ROBO1: variants seen among roughly 807,000 people sequenced by gnomAD.
ROBO1 encodes roundabout guidance receptor 1.
In ROBO1, 149 loss-of-function variants were observed where a neutral mutation model predicts 195.9. The ratio of observed to expected loss-of-function variants is 0.76; its 90% CI spans 0.67 to 0.87. The LOEUF (loss-of-function observed/expected upper bound fraction) is 0.87, where lower values mean the gene tolerates loss of function less well. ROBO1 is among the 40% of genes least tolerant of loss of function. ROBO1 has a pLI of 0.00. For missense variants in ROBO1, 1,933 were observed against 2,068.3 expected (o/e 0.93, Z 1.27); for synonymous variants, 816 against 733.2 (o/e 1.11, Z -1.82).
chr3:79,473,297 G>A (rs1171400578), intron 2 of ROBO1, among the ~76,000 whole-genome samples: 12 of 152,058 alleles, frequency 7.9e-5, no homozygotes, highest in Admixed American at 7.2e-4. Context: ...CAAAGAATGC[G>A]AAGGGTTGCC....
At chr3:78,909,850 G>C (rs1452197105) in intron 4 of ROBO1, among the ~76,000 whole-genome samples, 1 of 151,590 alleles carries the variant, frequency 6.6e-6, no homozygotes, top group Non-Finnish European at 1.5e-5. Flanking sequence ...CAACTGAAAT[G>C]ATATAAAAGA....
intron 2 of ROBO1, among the ~76,000 whole-genome samples, chr3:79,579,862 C>G (rs185608471): frequency 1.4e-3 from 216 of 152,132 alleles, no homozygotes; most frequent in Non-Finnish European, 8.7e-4. Context: ...ACCTATGGCT[C>G]CAGTGAGCAA....
intron 8 of ROBO1, among the ~76,000 whole-genome samples, chr3:78,694,013 T>G (rs951114710): frequency 6.6e-6 from 1 of 152,158 alleles, no homozygotes; most frequent in African/African-American, 2.4e-5. Context: ...TATAAAAAGG[T>G]GTTGCATTTA....
At chr3:78,955,600 G>T (rs568530721) in intron 3 of ROBO1, among the ~76,000 whole-genome samples, 1 of 151,764 alleles carries the variant, frequency 6.6e-6, no homozygotes, top group Non-Finnish European at 1.5e-5. Flanking sequence ...AATATAATTC[G>T]CCAAAAGTCA....
intron 2 of ROBO1, among the ~76,000 whole-genome samples, chr3:79,288,742 C>A (rs2032049365): frequency 6.6e-6 from 1 of 152,130 alleles, no homozygotes; most frequent in Non-Finnish European, 1.5e-5. Context: ...ATTGTTAACA[C>A]TGAGTATTTT....
intron 14 of ROBO1, among the ~76,000 whole-genome samples, chr3:78,665,822 A>T (rs890197976): frequency 2.8e-4 from 41 of 146,376 alleles, no homozygotes; most frequent in Admixed American, 8.2e-4. Context: ...GCTGAAATTT[A>T]AAAAAAAAAA....
At chr3:79,302,068 T>C (rs529759880) in intron 2 of ROBO1, among the ~76,000 whole-genome samples, 49 of 152,214 alleles carry the variant, frequency 3.2e-4, no homozygotes, top group African/African-American at 9.1e-4. Context: ...ATACACCACA[T>C]AGGGTGTATT....
At chr3:78,980,221 A>T (rs1260927786) in intron 3 of ROBO1, among the ~76,000 whole-genome samples, 1 of 152,142 alleles carries the variant, frequency 6.6e-6, no homozygotes, top group African/African-American at 2.4e-5. Flanking sequence ...TAAGAAACTG[A>T]CCTACCTTTC....
At chr3:79,005,567 T>C (rs927791048) in intron 3 of ROBO1, among the ~76,000 whole-genome samples, 1 of 152,178 alleles carries the variant, frequency 6.6e-6, no homozygotes. Flanking sequence ...TCATATAGTT[T>C]TGTAGTATAT....
chr3:79,421,354 A>G (rs1490687443), intron 2 of ROBO1, among the ~76,000 whole-genome samples: 2 of 151,988 alleles, frequency 1.3e-5, no homozygotes, highest in African/African-American at 4.8e-5. Context: ...AAACCTGCAC[A>G]TGTACCCTCA....
At chr3:79,063,820 AT>A (rs1273086311) in intron 3 of ROBO1, among the ~76,000 whole-genome samples, 1 of 151,924 alleles carries the variant, frequency 6.6e-6, no homozygotes, top group Non-Finnish European at 1.5e-5. Context: ...TGAAAAAAAA[AT>A]GAAAACTTTT....
At position 78,938,754 on chromosome 3, in the gene ROBO1, G is replaced by T. The variant is rs777025714; in HGVS notation, c.346C>A (p.Arg116Ser). The T allele has an allele frequency of 6.2e-7, 1 of 1,613,922 alleles. No individual in the cohort carries two copies. ...CTCGGCAGCAACATTCGGTGTGAGCGAGGGTCATCTTTGTCTGTCTCCACT... is the reference window on the plus strand; with the variant it reads ...CTCGGCAGCAACATTCGGTGTGAGCTAGGGTCATCTTTGTCTGTCTCCACT... ...ERVETDKDDP[R>S]SHRMLLPSGS... Residue 116 changes from arginine to serine, a missense_variant, in exon 4 of 31, where the codon CGC (arginine) becomes AGC (serine). By Grantham distance (110) the Arg-to-Ser change is moderately radical. Coordinates refer to ENST00000464233, the MANE Select transcript of ROBO1 (RefSeq NM_002941.4).
At chr3:79,497,840 G>T (rs906146190) in intron 2 of ROBO1, among the ~76,000 whole-genome samples, 4 of 152,074 alleles carry the variant, frequency 2.6e-5, no homozygotes, top group Non-Finnish European at 1.5e-5. Context: ...TGTTGTAGTT[G>T]ATAGGTTTGG....
chr3:79,006,628 TGTCTACATTGA>T (rs2077627302), intron 3 of ROBO1, among the ~76,000 whole-genome samples: 2 of 152,122 alleles, frequency 1.3e-5, no homozygotes, highest in South Asian at 4.1e-4. Context: ...TCTGAAAGTA[TGTCTACATTGA>T]GGCTGTATTT....
At chr3:78,841,291 T>C (rs1290200674) in intron 4 of ROBO1, among the ~76,000 whole-genome samples, 1 of 152,168 alleles carries the variant, frequency 6.6e-6, no homozygotes, top group Non-Finnish European at 1.5e-5. Context: ...AGGGGAAATC[T>C]GGTTTTCACT....
chr3:79,047,140 A>C (rs2108352445), intron 3 of ROBO1, among the ~76,000 whole-genome samples: 1 of 152,230 alleles, frequency 6.6e-6, no homozygotes, highest in Non-Finnish European at 1.5e-5. Context: ...GTGAAGGCTC[A>C]GGAGGAGGTG....
chr3:78,862,273 G>C (rs928259355), intron 4 of ROBO1, among the ~76,000 whole-genome samples: 5 of 152,076 alleles, frequency 3.3e-5, no homozygotes, highest in African/African-American at 9.7e-5. Flanking sequence ...GCAATCTTTA[G>C]GGAGAAAAGA....
intron 2 of ROBO1, among the ~76,000 whole-genome samples, chr3:79,477,087 TA>T (rs954932963): frequency 9.9e-5 from 15 of 151,542 alleles, no homozygotes; most frequent in East Asian, 1.9e-4. Context: ...TGTAATGTAA[TA>T]AAAAAAAATC....
chr3:79,668,573 A>G (rs554270777), intron 1 of ROBO1, among the ~76,000 whole-genome samples: 21 of 151,856 alleles, frequency 1.4e-4, no homozygotes, highest in Admixed American at 4.6e-4. Flanking sequence ...ATAATCATTC[A>G]GCCCAGGGAA....
Sources: allele counts gnomAD v4.1 joint callset (sites outside exome capture counted in the v4.1 genomes callset), GRCh38; gene constraint gnomAD v4.1.1; transcripts MANE v1.5; gene names NCBI Gene and HGNC (gene_info 2026-07-23, HGNC 2026-07-21).